The following SUPT20H variants were observed in gnomAD, a reference collection of about 807,000 sequenced individuals.
The protein encoded by SUPT20H is SPT20 homolog, SAGA complex component.
A neutral mutation model predicts 122.8 loss-of-function variants in SUPT20H; 82 were observed. The observed-to-expected ratio is 0.67, with a 90% CI of 0.56 to 0.80. The LOEUF is 0.80. SUPT20H is among the 30% of genes least tolerant of loss of function. The probability of loss-of-function intolerance (pLI) is 0.00; values close to 1 mark genes in which losing one functional copy is unlikely to be tolerated. For synonymous variants in SUPT20H, 291 were observed against 313.0 expected, an observed-to-expected ratio of 0.93 and a Z score of 0.74; for missense variants, 831 against 921.6, an observed-to-expected ratio of 0.90 and a Z score of 1.27.
Position 37,020,290 on chromosome 13 carries a change from T to C in SUPT20H, c.1817-893A>G, listed in dbSNP as rs191453544. Among the ~76,000 whole-genome samples the C allele has an allele frequency of 1.0e-3, 159 of 152,068 alleles. 1 individual carries two copies. Among genetic ancestry groups the C allele is most frequent in the Middle Eastern group, 6.8e-3 (2 of 294 alleles). On this transcript the variant is annotated intron_variant, in intron 21 of 25. Coordinates refer to ENST00000350612, the MANE Select transcript of SUPT20H (RefSeq NM_001014286.3). ...ATAAGAAACTGAAATTTGGCAAAAA[T>C]ATCCCTTTCTGGAAAAATTCTCATT... is the stretch of plus-strand genomic sequence containing the variant.
In SUPT20H at chr13:37,047,523, A is replaced by C; in HGVS notation, c.165+12T>G. 7.0e-7 allele frequency: 1 copy of C among 1,437,216 alleles called. No homozygotes were observed. The highest frequency in any genetic ancestry group is 9.3e-7 in the Non-Finnish European group (1 of 1,080,606). The allele number at this position is 1,437,216 out of a possible 1,614,324, so 89.0% of individuals were successfully genotyped here. A position where few individuals can be genotyped will look rare whatever the true frequency, so the allele number is the denominator to read the frequency against. ...TTTCAAAAGCTACAACATAATAAAA[A>C]TGTATACTTACCTTAACTTCAGGTT... On this transcript the variant is annotated intron_variant, in intron 5 of 25. Coordinates refer to ENST00000350612, the MANE Select transcript of SUPT20H (RefSeq NM_001014286.3).
At position 37,009,651 on chromosome 13, in the gene SUPT20H, G is replaced by T. The variant is rs915739391; in HGVS notation, c.*21C>A. The T allele has an allele frequency of 6.2e-7, 1 of 1,612,090 alleles. No individual in the cohort carries two copies. The highest frequency in any genetic ancestry group is 1.3e-5 in the African/African-American group (1 of 74,814). On this transcript the variant is annotated 3_prime_UTR_variant, in exon 26 of 26. Transcript: ENST00000350612. ...CAGTGCTCTTGTGTTTTTAAAAAAG[G>T]AACAAAAAGTAATGCAAGACTCAAA...
Position 37,045,372 on chromosome 13 carries a change from T to C in SUPT20H, c.167A>G (p.Lys56Arg). Residue 56 changes from lysine to arginine, a missense_variant and splice_region_variant, in exon 6 of 26, where the codon AAA becomes AGA. Coordinates refer to ENST00000350612, the MANE Select transcript of SUPT20H (RefSeq NM_001014286.3). ...EECEKEPEVK[K>R]LRRNVNLLEK... ...TAACAAGTTCACATTTCTTCTTAATTTCTGCTTTAAAAAGAGGCAGAGCTC... is the reference window on the plus strand; with the variant it reads ...TAACAAGTTCACATTTCTTCTTAATCTCTGCTTTAAAAAGAGGCAGAGCTC... The C allele has an allele frequency of 6.2e-7, 1 of 1,613,112 alleles. No homozygotes were observed. The highest frequency in any genetic ancestry group is 8.5e-7 in the Non-Finnish European group (1 of 1,179,508).
Position 37,022,042 on chromosome 13 carries a change from G to A in SUPT20H, c.1630C>T (p.Leu544Phe), listed in dbSNP as rs759652401. 1.2e-6 allele frequency: 2 copies of A among 1,613,228 alleles called. No homozygotes were observed. Among genetic ancestry groups the A allele is most frequent in the Non-Finnish European group, 1.7e-6 (2 of 1,179,424 alleles). ...GAGCCCACTACATTGATGAAGTTAA[G>A]TCCAGCAGAGTTTGCCATGACCTGG... Reference protein sequence around the residue: ...ATQVMANSAGLNFINVVGSVC... With the variant: ...ATQVMANSAGFNFINVVGSVC... Residue 544 changes from leucine to phenylalanine, a missense_variant, in exon 20 of 26, where the codon CTT becomes TTT. By Grantham distance (22) the Leu-to-Phe change is conservative (BLOSUM62 0). Transcript: ENST00000350612. The surrounding 1 kb of genome is among the most constrained non-coding windows in gnomAD (Gnocchi z 4.5).
chr13:37,051,999 T>C (rs1308531291), intron 1 of SUPT20H, among the ~76,000 whole-genome samples: 1 of 152,072 alleles, frequency 6.6e-6, no homozygotes. Context: ...TATAATCATG[T>C]CTGCTGATAA....
At position 37,016,006 on chromosome 13, in the gene SUPT20H, C is replaced by G. The variant is rs1383903144; in HGVS notation, c.1992+1239G>C. 2.6e-5 allele frequency among the ~76,000 whole-genome samples: 4 copies of G among 152,066 alleles called. No homozygotes were observed. The South Asian group carries it at 6.2e-4, about 24-fold the overall frequency. On this transcript the variant is annotated intron_variant, in intron 23 of 25. Coordinates refer to ENST00000350612, the MANE Select transcript of SUPT20H (RefSeq NM_001014286.3). ...TACTAACATAAAGTAGAATAGTGGC[C>G]GAGGGGAGGAGTTGTTATTTACCAG...
intron 21 of SUPT20H, among the ~76,000 whole-genome samples, chr13:37,019,875 A>C (rs1232541553): frequency 6.6e-6 from 1 of 152,122 alleles, no homozygotes; most frequent in East Asian, 1.9e-4. Context: ...GAATGTTGCA[A>C]TTTGTGTATA....
chr13:37,019,417 G>A lies in SUPT20H; in HGVS notation c.1817-20C>T. ...GAACACCTGTTAAATAAAACTCATG[G>A]TTATAACAGAATTGAAAGTTTATTA... On this transcript the variant is annotated intron_variant, in intron 21 of 25. Coordinates refer to ENST00000350612, the MANE Select transcript of SUPT20H (RefSeq NM_001014286.3). 6.4e-7 allele frequency: 1 copy of A among 1,557,040 alleles called. No individual in the cohort carries two copies. Among genetic ancestry groups the A allele is most frequent in the Non-Finnish European group, 8.7e-7 (1 of 1,148,550 alleles).
At position 37,031,752 on chromosome 13, in the gene SUPT20H, G is replaced by T. The variant is rs764947062; in HGVS notation, c.851C>A (p.Ser284Tyr). The T allele has an allele frequency of 6.3e-7, 1 of 1,591,430 alleles. No individual in the cohort carries two copies. The highest frequency in any genetic ancestry group is 2.2e-5 in the East Asian group (1 of 44,494). Reference protein sequence around the residue: ...KAGQHYDLKISKAGNCVDMWK... With the variant: ...KAGQHYDLKIYKAGNCVDMWK... Reference sequence around the variant, plus strand: ...ATATATACTTACATTTCCTGCCTTAGAAATTTTGAGGTCATAATGCTGACC... The same window carrying T: ...ATATATACTTACATTTCCTGCCTTATAAATTTTGAGGTCATAATGCTGACC... The change falls in exon 11 of 26, where the codon TCT becomes TAT. Residue 284 changes from serine to tyrosine, a missense_variant. Ser to Tyr is a moderately radical substitution (Grantham distance 144). Coordinates refer to ENST00000350612, the MANE Select transcript of SUPT20H (RefSeq NM_001014286.3).
intron 1 of SUPT20H, among the ~76,000 whole-genome samples, chr13:37,058,725 G>C (rs1242457609): frequency 1.3e-5 from 2 of 152,110 alleles, no homozygotes; most frequent in African/African-American, 2.4e-5. Flanking sequence ...AGAACTCTGT[G>C]TCCAATCTTA....
At chr13:37,047,762 TA>T in intron 4 of SUPT20H, 115 bp downstream of exon 4, 1 of 1,252,016 alleles carries the variant, frequency 8.0e-7, no homozygotes, top group Non-Finnish European at 1.1e-6. Flanking sequence ...TAGAAATTCC[TA>T]ATACATGCAA....
At chr13:37,019,125 T>C (rs1277058278) in intron 22 of SUPT20H, among the ~76,000 whole-genome samples, 1 of 152,206 alleles carries the variant, frequency 6.6e-6, no homozygotes. Flanking sequence ...AGCTAGTTCT[T>C]AATTAGGCAG....
chr13:37,043,931 A>C, intron 7 of SUPT20H, 147 bp downstream of exon 7: 1 of 537,534 alleles, frequency 1.9e-6, no homozygotes, highest in Non-Finnish European at 3.2e-6. Flanking sequence ...GGCTGTTGGG[A>C]ACAGTGATAG....
At chr13:37,016,429 C>CAAA (rs66581438) in intron 23 of SUPT20H, among the ~76,000 whole-genome samples, 3 of 139,752 alleles carry the variant, frequency 2.1e-5, no homozygotes, top group African/African-American at 7.9e-5. Context: ...GACTCTGTCT[C>CAAA]AAAAAAAAAA....
At chr13:37,041,138 T>C (rs1275974582) in intron 7 of SUPT20H, among the ~76,000 whole-genome samples, 1 of 152,264 alleles carries the variant, frequency 6.6e-6, no homozygotes, top group Non-Finnish European at 1.5e-5. Flanking sequence ...ATAACTTCTA[T>C]ATTTGCTCTG....
intron 9 of SUPT20H, among the ~76,000 whole-genome samples, chr13:37,036,271 T>C (rs1566253506): frequency 1.3e-5 from 2 of 152,090 alleles, no homozygotes; most frequent in Non-Finnish European, 2.9e-5. Context: ...TAGACTACAG[T>C]ACAGTTGACT....
At position 37,047,874 on chromosome 13, in the gene SUPT20H, A is replaced by G; in HGVS notation, c.98+4T>C. 1.2e-6 allele frequency: 2 copies of G among 1,603,098 alleles called. No homozygotes were observed. The highest frequency in any genetic ancestry group is 8.5e-7 in the Non-Finnish European group (1 of 1,174,854). On this transcript the variant is annotated splice_donor_region_variant and intron_variant, in intron 4 of 25. Transcript: ENST00000350612. ...CTAAGATGTTACCAATTAATTATTC[A>G]TACCTTCCACTTGATAGGTATTTCC...
chr13:37,011,532 C>T (rs755372284), intron 24 of SUPT20H, among the ~76,000 whole-genome samples: 5 of 152,150 alleles, frequency 3.3e-5, no homozygotes, highest in African/African-American at 1.2e-4. Context: ...AAACTCCTAT[C>T]ATAGTTTTCT....
intron 21 of SUPT20H, among the ~76,000 whole-genome samples, chr13:37,020,564 T>C (rs917744848): frequency 6.6e-6 from 1 of 152,144 alleles, no homozygotes; most frequent in African/African-American, 2.4e-5. Flanking sequence ...ATATCCTAAG[T>C]TCAAGATGTG....
Sources: allele counts gnomAD v4.1 joint callset (sites outside exome capture counted in the v4.1 genomes callset), GRCh38; gene constraint gnomAD v4.1.1; non-coding constraint Gnocchi (gnomAD v3.1); transcripts MANE v1.5; gene names NCBI Gene and HGNC (gene_info 2026-07-23, HGNC 2026-07-21).